The following CNTLN variants were observed in gnomAD, a reference collection of about 807,000 sequenced individuals.
The protein encoded by CNTLN is centlein, centrosomal protein.
In CNTLN, 212 loss-of-function variants were observed where a neutral mutation model predicts 180.0. The ratio of observed to expected loss-of-function variants is 1.18; its 90% CI spans 1.05 to 1.32. CNTLN has a LOEUF of 1.32. Ranked by LOEUF, CNTLN falls within the 40% of genes most tolerant of loss-of-function variation. CNTLN has a pLI of 0.00. For missense variants in CNTLN, 2,095 were observed against 1,610.9 expected, an observed-to-expected ratio of 1.30 and a Z score of -5.14; for synonymous variants, 722 against 563.1, an observed-to-expected ratio of 1.28 and a Z score of -3.99.
intron 2 of CNTLN, among the ~76,000 whole-genome samples, chr9:17,189,431 C>G (rs1821652930): frequency 6.6e-6 from 1 of 150,428 alleles, no homozygotes. Flanking sequence ...GATAGAGCAG[C>G]TTTTTTTCTA....
intron 5 of CNTLN, among the ~76,000 whole-genome samples, chr9:17,261,099 G>C (rs543818742): frequency 1.3e-5 from 2 of 151,462 alleles, no homozygotes; most frequent in Non-Finnish European, 2.9e-5. Flanking sequence ...ATAGTTTGAG[G>C]TTGGATAATG....
intron 25 of CNTLN, among the ~76,000 whole-genome samples, chr9:17,498,470 G>C (rs544260461): frequency 6.6e-6 from 1 of 152,142 alleles, no homozygotes; most frequent in Admixed American, 6.6e-5. Context: ...AATCAGGGGA[G>C]ATCCCTCCAG....
chr9:17,341,911 T>G (rs1487692905), intron 11 of CNTLN, among the ~76,000 whole-genome samples: 3 of 152,182 alleles, frequency 2.0e-5, no homozygotes, highest in African/African-American at 7.2e-5. Context: ...TTCTGACATA[T>G]TCACTGGTAA....
At chr9:17,374,863 G>GAA (rs760727644) in intron 13 of CNTLN, among the ~76,000 whole-genome samples, 141 of 130,140 alleles carry the variant, frequency 1.1e-3, no homozygotes, top group African/African-American at 3.7e-3. Context: ...TCCATCTCAG[G>GAA]AAAAAAAAAA....
chr9:17,393,754 C>T (rs1826286346), intron 14 of CNTLN, among the ~76,000 whole-genome samples: 1 of 152,098 alleles, frequency 6.6e-6, no homozygotes, highest in Non-Finnish European at 1.5e-5. Flanking sequence ...TAAGTCAACT[C>T]CTCCATGAAA....
intron 5 of CNTLN, among the ~76,000 whole-genome samples, chr9:17,250,895 T>C (rs1022960867): frequency 6.6e-6 from 1 of 152,092 alleles, no homozygotes; most frequent in Admixed American, 6.6e-5. Flanking sequence ...CATCCTTTCA[T>C]TTCAATCTGA....
At chr9:17,320,881 T>C (rs755880934) in intron 8 of CNTLN, among the ~76,000 whole-genome samples, 2 of 152,192 alleles carry the variant, frequency 1.3e-5, no homozygotes, top group Non-Finnish European at 2.9e-5. Context: ...TTGTCAAAGA[T>C]TATGAACCTA....
At chr9:17,440,426 A>AC (rs2134037467) in intron 18 of CNTLN, among the ~76,000 whole-genome samples, 1 of 150,798 alleles carries the variant, frequency 6.6e-6, no homozygotes, top group Non-Finnish European at 1.5e-5. Flanking sequence ...AAATACAAAA[A>AC]AAAAAAAAAA....
chr9:17,378,471 A>G (rs562237769), intron 13 of CNTLN, among the ~76,000 whole-genome samples: 1 of 151,646 alleles, frequency 6.6e-6, no homozygotes, highest in Non-Finnish European at 1.5e-5. Context: ...GAGCCACCGC[A>G]CCCGGCCTTC....
chr9:17,335,160 G>A (rs1820921490), intron 10 of CNTLN, among the ~76,000 whole-genome samples: 1 of 152,142 alleles, frequency 6.6e-6, no homozygotes, highest in South Asian at 2.1e-4. Context: ...CATCCATATT[G>A]GGGTTCATGC....
chr9:17,158,627 A>G (rs762300659), intron 2 of CNTLN, among the ~76,000 whole-genome samples: 1 of 151,946 alleles, frequency 6.6e-6, no homozygotes, highest in Non-Finnish European at 1.5e-5. Context: ...AAGAATTTTC[A>G]CATTTCTTCT....
chr9:17,143,883 T>G (rs1818274021), intron 2 of CNTLN, among the ~76,000 whole-genome samples: 1 of 152,194 alleles, frequency 6.6e-6, no homozygotes, highest in African/African-American at 2.4e-5. Flanking sequence ...GCCCAGTCAT[T>G]TAACTGTAGA....
the CNTLN span, among the ~76,000 whole-genome samples, chr9:17,522,739 A>AT: frequency 6.6e-6 from 1 of 151,568 alleles, no homozygotes. Flanking sequence ...ACTAAAAAAA[A>AT]CCCACTTTTT....
At chr9:17,266,792 A>C (rs1475829466) in intron 5 of CNTLN, among the ~76,000 whole-genome samples, 1 of 152,108 alleles carries the variant, frequency 6.6e-6, no homozygotes, top group Non-Finnish European at 1.5e-5. Flanking sequence ...CCATTATGTA[A>C]TGGCCTTCTT....
At chr9:17,407,231 T>C (rs1369858775) in intron 15 of CNTLN, among the ~76,000 whole-genome samples, 1 of 152,188 alleles carries the variant, frequency 6.6e-6, no homozygotes, top group Non-Finnish European at 1.5e-5. Context: ...TGGGTAATTC[T>C]ATAGTTGGTG....
chr9:17,331,584 A>G (rs924174315), intron 9 of CNTLN, among the ~76,000 whole-genome samples: 4 of 152,012 alleles, frequency 2.6e-5, no homozygotes, highest in Admixed American at 6.6e-5. Flanking sequence ...CATGTTGTTA[A>G]GATAATTGTT....
chr9:17,203,989 T>C (rs561725835), intron 2 of CNTLN, among the ~76,000 whole-genome samples: 1 of 152,358 alleles, frequency 6.6e-6, no homozygotes, highest in Non-Finnish European at 1.5e-5. Flanking sequence ...AAAGTTCTTG[T>C]GCTGTGTTTT....
chr9:17,270,704 C>G (rs1827871199), intron 5 of CNTLN, among the ~76,000 whole-genome samples: 1 of 151,932 alleles, frequency 6.6e-6, no homozygotes, highest in South Asian at 2.1e-4. Flanking sequence ...ACCTTTAAAC[C>G]TTTAGGACCA....
At chr9:17,298,639 G>T in intron 7 of CNTLN, 1 of 1,043,790 alleles carries the variant, frequency 9.6e-7, no homozygotes, top group South Asian at 4.4e-5. Flanking sequence ...AACATACTAG[G>T]AGTATAGTCT....
Sources: gnomAD v4.1 joint callset for allele counts (sites outside exome capture counted in the v4.1 genomes callset) on GRCh38, gnomAD v4.1.1 for gene constraint, MANE v1.5 for transcripts, NCBI Gene and HGNC (gene_info 2026-07-23, HGNC 2026-07-21) for gene names.